The following PDE8B variants were observed in gnomAD, a reference collection of about 807,000 sequenced individuals.
PDE8B encodes the protein phosphodiesterase 8B, also known as high affinity cAMP-specific and IBMX-insensitive 3',5'-cyclic phosphodiesterase 8B.
PDE8B carries 26 observed loss-of-function variants against 101.3 expected under a neutral mutation model. The ratio of observed to expected loss-of-function variants is 0.26; its 90% confidence interval spans 0.19 to 0.36. The LOEUF (loss-of-function observed/expected upper bound fraction) is 0.36, where lower values mean the gene tolerates loss of function less well. Ranked by LOEUF, PDE8B falls within the 10% of genes least tolerant of loss-of-function variation. The probability of loss-of-function intolerance (pLI) is 1.00; values close to 1 mark genes in which losing one functional copy is unlikely to be tolerated. For synonymous variants in PDE8B, 424 were observed against 429.3 expected, an observed-to-expected ratio of 0.99 and a Z score of 0.15; for missense variants, 810 against 1,163.1, an observed-to-expected ratio of 0.70 and a Z score of 4.42.
At chr5:77,175,981 T>C in the PDE8B span, among the ~76,000 whole-genome samples, 140 of 152,358 alleles carry the variant, frequency 9.2e-4, 1 homozygote, top group African/African-American at 3.2e-3. Flanking sequence ...CCATTTGTTT[T>C]AACCTCATCA....
intron 10 of PDE8B, among the ~76,000 whole-genome samples, chr5:77,387,255 G>T (rs552497167): frequency 9.2e-5 from 14 of 152,250 alleles, no homozygotes; most frequent in African/African-American, 3.1e-4. Context: ...TGTAAGGCAG[G>T]CCTGGTGTTG....
intron 1 of PDE8B, among the ~76,000 whole-genome samples, chr5:77,281,584 T>A (rs1335909948): frequency 5.3e-5 from 8 of 152,150 alleles, no homozygotes; most frequent in Admixed American, 5.2e-4. Context: ...CATTGCCTTT[T>A]CCTCTTCTGT....
chr5:77,316,770 C>T (rs753417587), intron 2 of PDE8B, among the ~76,000 whole-genome samples: 5 of 151,992 alleles, frequency 3.3e-5, no homozygotes, highest in Non-Finnish European at 7.4e-5. Context: ...AACATAATAA[C>T]AAATTGAATA....
chr5:77,228,575 C>T (rs1166675382), intron 1 of PDE8B, among the ~76,000 whole-genome samples: 1 of 151,894 alleles, frequency 6.6e-6, no homozygotes, highest in African/African-American at 2.4e-5. Flanking sequence ...GGAGAGATTC[C>T]AAGCAGAGAG....
At chr5:77,227,334 A>T (rs1752606039) in intron 1 of PDE8B, among the ~76,000 whole-genome samples, 1 of 152,194 alleles carries the variant, frequency 6.6e-6, no homozygotes, top group Non-Finnish European at 1.5e-5. Context: ...AACTTTATCA[A>T]CTAGCAATGC....
the PDE8B span, chr5:77,141,564 C>T: frequency 6.6e-6 from 1 of 152,170 alleles, no homozygotes; most frequent in Admixed American, 6.5e-5. Flanking sequence ...AATAGCACCA[C>T]TTTGTTGTTC....
intron 18 of PDE8B, 88 bp from the exon 19 acceptor site, chr5:77,419,679 G>A: frequency 2.0e-6 from 3 of 1,471,414 alleles, no homozygotes; most frequent in Middle Eastern, 1.8e-4. Flanking sequence ...TTCCTCCTAG[G>A]TTGTGAGGAG....
chr5:77,308,956 A>G (rs1415074406), intron 1 of PDE8B, among the ~76,000 whole-genome samples: 1 of 152,110 alleles, frequency 6.6e-6, no homozygotes, highest in African/African-American at 2.4e-5. Flanking sequence ...AGGCGGGCAG[A>G]TCACCCGAGG....
intron 1 of PDE8B, among the ~76,000 whole-genome samples, chr5:77,258,565 TAAA>T (rs1162750641): frequency 6.6e-5 from 10 of 152,144 alleles, no homozygotes; most frequent in African/African-American, 2.4e-4. Flanking sequence ...CCCCACACTT[TAAA>T]AAACAGGCTG....
chr5:77,359,452 C>T (rs11738541), intron 10 of PDE8B, among the ~76,000 whole-genome samples: 29,050 of 152,188 alleles, frequency 0.19, 3,361 homozygotes, highest in Middle Eastern at 0.33. Flanking sequence ...CCTCATGGCC[C>T]GCAGGACAGC....
At chr5:77,251,294 C>T (rs1361916463) in intron 1 of PDE8B, among the ~76,000 whole-genome samples, 1 of 152,136 alleles carries the variant, frequency 6.6e-6, no homozygotes, top group African/African-American at 2.4e-5. Flanking sequence ...TTTTCTTTGT[C>T]TTTGGTTCCC....
chr5:77,342,515 T>G (rs927257016), intron 6 of PDE8B, among the ~76,000 whole-genome samples: 4 of 94,874 alleles, frequency 4.2e-5, no homozygotes, highest in African/African-American at 1.2e-4. Flanking sequence ...TTTTTCAGAG[T>G]TTTTTTTTTT....
At chr5:77,207,344 A>T (rs533919888), upstream of PDE8B, among the ~76,000 whole-genome samples, 2 of 152,330 alleles carry the variant, frequency 1.3e-5, no homozygotes, top group East Asian at 3.9e-4. Context: ...TTTGTTCAGG[A>T]TCTTGCAGTG....
At chr5:77,344,819 A>G (rs1561557310) in intron 6 of PDE8B, 34 bp from the exon 7 acceptor site, 4 of 1,316,390 alleles carry the variant, frequency 3.0e-6, no homozygotes, top group Non-Finnish European at 4.4e-6. Flanking sequence ...TGGTTTTCAT[A>G]GAAGAACTAA....
chr5:77,102,634 G>C, the PDE8B span, among the ~76,000 whole-genome samples: 3 of 152,164 alleles, frequency 2.0e-5, no homozygotes, highest in African/African-American at 7.2e-5. Context: ...GCAGCCCACA[G>C]GGCTCCTGAC....
At chr5:77,376,811 A>G (rs1042611423) in intron 10 of PDE8B, among the ~76,000 whole-genome samples, 1 of 152,154 alleles carries the variant, frequency 6.6e-6, no homozygotes, top group African/African-American at 2.4e-5. Flanking sequence ...GATCAATTCT[A>G]TCTTATGCTA....
chr5:77,281,864 G>A (rs903172640), intron 1 of PDE8B, among the ~76,000 whole-genome samples: 31 of 152,082 alleles, frequency 2.0e-4, no homozygotes, highest in Non-Finnish European at 4.3e-4. Context: ...TCTACTGTGC[G>A]CTACTCCAAC....
chr5:77,177,693 G>C, the PDE8B span, among the ~76,000 whole-genome samples: 1 of 152,214 alleles, frequency 6.6e-6, no homozygotes, highest in Non-Finnish European at 1.5e-5. Flanking sequence ...ACCAGCACTG[G>C]AATACCACAA....
intron 2 of PDE8B, among the ~76,000 whole-genome samples, chr5:77,317,795 A>G (rs1287465350): frequency 2.6e-5 from 4 of 152,084 alleles, no homozygotes; most frequent in Non-Finnish European, 5.9e-5. Flanking sequence ...CCAACTGGAC[A>G]TGGAAATGGA....
Sources: allele counts gnomAD v4.1 joint callset (sites outside exome capture counted in the v4.1 genomes callset), GRCh38; gene constraint gnomAD v4.1.1; transcripts MANE v1.5; gene names NCBI Gene and HGNC (gene_info 2026-07-23, HGNC 2026-07-21).